PRR12: variants seen among roughly 807,000 people sequenced by gnomAD.
PRR12 encodes the protein proline-rich protein 12.
PRR12 carries 12 observed loss-of-function variants against 138.0 expected under a neutral mutation model. That is an observed-to-expected ratio of 0.09 (90% CI 0.06 to 0.14). The LOEUF (loss-of-function observed/expected upper bound fraction) is 0.14, where lower values mean the gene tolerates loss of function less well. Ranked by LOEUF, PRR12 falls within the 10% of genes least tolerant of loss-of-function variation. PRR12 has a pLI of 1.00. For synonymous variants in PRR12, 1,567 were observed against 1,291.7 expected (o/e 1.21, Z -4.57); for missense variants, 2,692 against 2,861.3 (o/e 0.94, Z 1.35).
Position 49,625,667 on chromosome 19 carries a change from G to C in PRR12, c.*60G>C. On this transcript the variant is annotated 3_prime_UTR_variant, in exon 14 of 14. Transcript: ENST00000418929. The surrounding 1 kb of genome is among the most constrained non-coding windows in gnomAD (Gnocchi z 5.5). ...ATGAACCGAGAATTGGGACAGAACC[G>C]TGTCCTCAGGAGCTAACACCTGGGC... 7.8e-6 allele frequency: 12 copies of C among 1,530,598 alleles called. No individual in the cohort carries two copies. The highest frequency in any genetic ancestry group is 9.7e-6 in the Non-Finnish European group (11 of 1,139,622). 94.8% of individuals were successfully genotyped at this position (1,530,598 alleles called of 1,614,324 possible).
intron 6 of PRR12, among the ~76,000 whole-genome samples, chr19:49,607,713 GA>G (rs1171813856): frequency 4.8e-4 from 55 of 115,448 alleles, no homozygotes; most frequent in South Asian, 1.6e-3. Flanking sequence ...GTCTCAAAAA[GA>G]AAAAAAAAAA....
chr19:49,592,309 C>T (rs1375478060), intron 1 of PRR12, among the ~76,000 whole-genome samples: 1 of 152,158 alleles, frequency 6.6e-6, no homozygotes, highest in Non-Finnish European at 1.5e-5. Context: ...GTCTGGGACA[C>T]GCCCCCTTTA....
At position 49,626,154 on chromosome 19, in the gene PRR12, G is replaced by A. The variant is rs2080954726; in HGVS notation, c.*547G>A. 1 of 152,120 alleles carries A rather than the reference G, an allele frequency of 6.6e-6. No homozygotes were observed. The highest frequency in any genetic ancestry group is 1.5e-5 in the Non-Finnish European group (1 of 68,010). 9.4% of individuals were successfully genotyped at this position (152,120 alleles called of 1,614,324 possible). A position where few individuals can be genotyped will look rare whatever the true frequency, so the allele number is the denominator to read the frequency against. ...TACATACCTGGGGCAGGGGCTTGGG[G>A]AGGTGGAGGGGGGAGAAGGGTCCCC... On this transcript the variant is annotated 3_prime_UTR_variant, in exon 14 of 14. Transcript: ENST00000418929.
In PRR12 at chr19:49,601,775, C is replaced by T. The variant is rs987119506; in HGVS notation, c.4630C>T (p.Arg1544Trp). The T allele has an allele frequency of 4.4e-6, 7 of 1,602,276 alleles. No individual in the cohort carries two copies. The highest frequency in any genetic ancestry group is 3.3e-5 in the South Asian group (3 of 89,634). Residue 1544 changes from arginine to tryptophan, a missense_variant, in exon 6 of 14, where the codon CGG becomes TGG. Transcript: ENST00000418929. Reference sequence around the variant, plus strand: ...CGAAGACCCCGAGCTGCCGGACACCCGGCCCCTGCATCTGGCCAAAAAGCA... The same window carrying T: ...CGAAGACCCCGAGCTGCCGGACACCTGGCCCCTGCATCTGGCCAAAAAGCA... The part of the protein sequence containing the change: ...SPEDPELPDT[R>W]PLHLAKKQET...
Position 49,610,546 on chromosome 19 carries a change from A to ATTT in PRR12, c.4774-3975_4774-3973dup, listed in dbSNP as rs922178889. On this transcript the variant is annotated intron_variant, in intron 6 of 13. Coordinates refer to ENST00000418929, the MANE Select transcript of PRR12 (RefSeq NM_020719.3). ...CATGCCATGGTAAAACCCTGTTCCT[A>ATTT]TTTTTTTTTTTTTTGAGATGGAGTC... Among the ~76,000 whole-genome samples, 76 of 121,630 alleles carry ATTT rather than the reference A, an allele frequency of 6.2e-4. 5 individuals carry two copies. Among genetic ancestry groups the ATTT allele is most frequent in the African/African-American group, 2.1e-3 (58 of 27,960 alleles). 79.8% of individuals were successfully genotyped at this position (121,630 alleles called of 152,430 possible).
At chr19:49,622,873 CAG>C (rs1426811098) in intron 11 of PRR12, among the ~76,000 whole-genome samples, 1 of 127,468 alleles carries the variant, frequency 7.8e-6, no homozygotes. Flanking sequence ...GCCTGGGCGA[CAG>C]AGCGAGACTC....
intron 1 of PRR12, 50 bp downstream of exon 1, chr19:49,591,790 AGCCGGGCCGGGCCGGGCCGG>A (rs146415405): frequency 4.7e-6 from 5 of 1,069,868 alleles, no homozygotes; most frequent in African/African-American, 1.8e-5. Flanking sequence ...GTGGGAGCCC[AGCCGGGCCGGGCCGGGCCGG>A]GCCGGGCCCG....
rs974476482 is a variant in PRR12, at chr19:49,601,632, C to T, written c.4487C>T (p.Pro1496Leu). Residue 1496 changes from proline (P) to leucine (L), a missense_variant, in exon 6 of 14, where the codon CCA (proline) becomes CTA (leucine). Physicochemically the swap from Pro to Leu is moderately conservative, Grantham distance 98. Around this residue, in one of 11 missense-constraint regions of PRR12, gnomAD observed 231 missense variants for 200.8 expected, o/e 1.15. Transcript: ENST00000418929. The stretch of plus-strand genomic sequence containing the variant: ...CTGGTGGCCCCCACGCCCAGCTCAC[C>T]ACCGCCACCGCCGCTGCCGCCGCCA... ...PPLVAPTPSSPPPPPLPPPPP... is the reference protein window; with the variant it reads ...PPLVAPTPSSLPPPPLPPPPP... The T allele has an allele frequency of 9.1e-6, 14 of 1,538,158 alleles. 1 individual carries two copies. Among genetic ancestry groups the T allele is most frequent in the Middle Eastern group, 4.6e-4 (2 of 4,382 alleles).
Position 49,601,903 on chromosome 19 carries a change from C to A in PRR12, c.4758C>A (p.Asp1586Glu). Residue 1586 changes from aspartate to glutamate, a missense_variant, in exon 6 of 14, where the codon GAC becomes GAA. Asp to Glu is a conservative substitution (Grantham distance 45). Transcript: ENST00000418929. ...ACGAGTTCGTCATCCGTGCTGAGGA[C>A]ATCCCTTCCCTCAAGGTGAGTCCCA... is the stretch of plus-strand genomic sequence containing the variant. ...ERDEFVIRAE[D>E]IPSLKLALQT... 1 of 1,611,758 alleles carries A rather than the reference C, an allele frequency of 6.2e-7. No individual in the cohort carries two copies. The highest frequency in any genetic ancestry group is 8.5e-7 in the Non-Finnish European group (1 of 1,179,740).
rs2080727358 is a variant in PRR12 at position 49,591,613 on chromosome 19, T to TCCCTCCCTCCCCCTCCCC, written c.-39_-22dup. 13 of 114,844 alleles carry TCCCTCCCTCCCCCTCCCC rather than the reference T, an allele frequency of 1.1e-4. No homozygotes were observed. Among genetic ancestry groups the TCCCTCCCTCCCCCTCCCC allele is most frequent in the South Asian group, 2.0e-4 (2 of 10,176 alleles). The allele number at this position is 114,844 out of a possible 1,614,324, so 7.1% of individuals were successfully genotyped here. A position where few individuals can be genotyped will look rare whatever the true frequency, so the allele number is the denominator to read the frequency against. Reference sequence around the variant, plus strand: ...AGCGCGCGCGCGCCCCCTCCCTCCCTCCCTCCCTCCCCCTCCCCCCAATTT... The same window carrying TCCCTCCCTCCCCCTCCCC: ...AGCGCGCGCGCGCCCCCTCCCTCCCTCCCTCCCTCCCCCTCCCCCCCTCCCTCCCCCTCCCCCCAATTT... On this transcript the variant is annotated 5_prime_UTR_variant, in exon 1 of 14. Coordinates refer to ENST00000418929, the MANE Select transcript of PRR12 (RefSeq NM_020719.3).
At chr19:49,604,164 ATTT>A (rs2080826569) in intron 6 of PRR12, among the ~76,000 whole-genome samples, 1 of 151,874 alleles carries the variant, frequency 6.6e-6, no homozygotes, top group Admixed American at 6.6e-5. Flanking sequence ...ACTCAAATGT[ATTT>A]TTTCCTGTGT....
rs113717944 is a variant in PRR12 at position 49,620,055 on chromosome 19, G to T, written c.5498-297G>T. Reference sequence around the variant, plus strand: ...TTTAGTAGAGACAGGGTTTTGCCACGCTGGCCAGGCTGGTATCAAACTCCT... The same window carrying T: ...TTTAGTAGAGACAGGGTTTTGCCACTCTGGCCAGGCTGGTATCAAACTCCT... On this transcript the variant is annotated intron_variant, in intron 9 of 13. Coordinates refer to ENST00000418929, the MANE Select transcript of PRR12 (RefSeq NM_020719.3). Among the ~76,000 whole-genome samples, 12 of 151,450 alleles carry T rather than the reference G, an allele frequency of 7.9e-5. No individual in the cohort carries two copies. The South Asian group carries it at 2.1e-3, about 26-fold the overall frequency.
Position 49,625,875 on chromosome 19 carries a change from T to G in PRR12, c.*268T>G. 2 of 284,504 alleles carry G rather than the reference T, an allele frequency of 7.0e-6. No homozygotes were observed. Among genetic ancestry groups the G allele is most frequent in the Non-Finnish European group, 6.4e-6 (1 of 155,760 alleles). The allele number at this position is 284,504 out of a possible 1,614,324, so 17.6% of individuals were successfully genotyped here. On this transcript the variant is annotated 3_prime_UTR_variant, in exon 14 of 14. Transcript: ENST00000418929. This position sits in a 1 kb window ranked among gnomAD's most constrained non-coding sequence, Gnocchi z 5.5. ...GTATAAATGTCTATTTAGTAACGGT[T>G]TCCCTCTCCCCTTGCCCCGACCCCC...
chr19:49,608,233 C>T (rs1568427626), intron 6 of PRR12, among the ~76,000 whole-genome samples: 1 of 152,022 alleles, frequency 6.6e-6, no homozygotes. Flanking sequence ...CTCAAACCTG[C>T]AATCCCAGCA....
At chr19:49,611,440 C>T (rs1425287811) in intron 6 of PRR12, among the ~76,000 whole-genome samples, 4 of 150,798 alleles carry the variant, frequency 2.7e-5, no homozygotes, top group African/African-American at 9.8e-5. Context: ...GGTTTGAGAC[C>T]AGCCTTGCCA....
In PRR12 at chr19:49,626,403, C is replaced by A. The variant is rs1400164348; in HGVS notation, c.*796C>A. On this transcript the variant is annotated 3_prime_UTR_variant, in exon 14 of 14. Coordinates refer to ENST00000418929, the MANE Select transcript of PRR12 (RefSeq NM_020719.3). ...TCAACTTGTATACACTGTGTACACA[C>A]AACCAGCCAAACGAAAACCCAACGG... 1.3e-5 allele frequency: 2 copies of A among 152,234 alleles called. No homozygotes were observed. Among genetic ancestry groups the A allele is most frequent in the African/African-American group, 2.4e-5 (1 of 41,424 alleles). The allele number at this position is 152,234 out of a possible 1,614,324, so 9.4% of individuals were successfully genotyped here. A position where few individuals can be genotyped will look rare whatever the true frequency, so the allele number is the denominator to read the frequency against.
rs1318213441 is a variant in PRR12, at chr19:49,601,607, C to A, written c.4462C>A (p.Leu1488Met). The A allele has an allele frequency of 6.5e-7, 1 of 1,543,046 alleles. No individual in the cohort carries two copies. Among genetic ancestry groups the A allele is most frequent in the African/African-American group, 1.4e-5 (1 of 72,892 alleles). The change falls in exon 6 of 14, where the codon CTG becomes ATG. Residue 1488 changes from leucine (L) to methionine (M), a missense_variant. Leu to Met is a conservative substitution (Grantham distance 15, BLOSUM62 2). This residue lies in a region of PRR12 where 231 missense variants were observed against 200.8 expected (regional missense o/e 1.15). Transcript: ENST00000418929. ...PQPALPSPPP[L>M]VAPTPSSPPP... ...GCCAGCCCTGCCCTCGCCACCCCCGCTGGTGGCCCCCACGCCCAGCTCACC... is the reference window on the plus strand; with the variant it reads ...GCCAGCCCTGCCCTCGCCACCCCCGATGGTGGCCCCCACGCCCAGCTCACC...
intron 6 of PRR12, among the ~76,000 whole-genome samples, chr19:49,613,684 A>C (rs1234516554): frequency 6.6e-6 from 1 of 152,208 alleles, no homozygotes; most frequent in African/African-American, 2.4e-5. Context: ...GGCACAGGCC[A>C]CAAACTCACC....
chr19:49,591,905 T>G (rs1414574927), intron 1 of PRR12, among the ~76,000 whole-genome samples, 165 bp downstream of exon 1: 1 of 151,792 alleles, frequency 6.6e-6, no homozygotes, highest in East Asian at 1.9e-4. Flanking sequence ...CCGCCCCAGT[T>G]TGCAAATTGC....
Sources: gnomAD v4.1 joint callset for allele counts (sites outside exome capture counted in the v4.1 genomes callset) on GRCh38, gnomAD v4.1.1 for gene constraint, gnomAD v4.1.1 regional missense constraint, Gnocchi (gnomAD v3.1) non-coding constraint, MANE v1.5 for transcripts, NCBI Gene and HGNC (gene_info 2026-07-23, HGNC 2026-07-21) for gene names.